PHACTR1: variants seen among roughly 807,000 people sequenced by gnomAD.
PHACTR1 encodes the protein phosphatase and actin regulator 1.
A neutral mutation model predicts 69.2 loss-of-function variants in PHACTR1; 16 were observed. That is an observed-to-expected ratio of 0.23 (90% CI 0.16 to 0.35). The LOEUF (loss-of-function observed/expected upper bound fraction) is 0.35. PHACTR1 is among the 10% of genes least tolerant of loss of function. The probability of loss-of-function intolerance (pLI) is 1.00; values close to 1 mark genes in which losing one functional copy is unlikely to be tolerated. For synonymous variants in PHACTR1, 312 were observed against 284.5 expected (o/e 1.10, Z -0.97); for missense variants, 510 against 734.7 (o/e 0.69, Z 3.54).
chr6:12,752,133 T>C (rs1193618229), intron 4 of PHACTR1, among the ~76,000 whole-genome samples: 1 of 152,230 alleles, frequency 6.6e-6, no homozygotes, highest in Admixed American at 6.5e-5. Context: ...TGCTCACTCC[T>C]GGGGCTTGTT....
rs147807103 is a variant in PHACTR1 at position 13,270,523 on chromosome 6, A to C, written c.1392-2337A>C. On this transcript the variant is annotated intron_variant, in intron 10 of 14. Coordinates refer to ENST00000332995, the MANE Select transcript of PHACTR1 (RefSeq NM_030948.6). ...TCCAAAGGGACTCATTCCAAGTAAC[A>C]AAATACACTCCTGACACCCCAGAAA... Among the ~76,000 whole-genome samples the C allele has an allele frequency of 8.8e-3, 1,345 of 152,352 alleles. 37 individuals carry two copies. The highest frequency in any genetic ancestry group is 0.051 in the Admixed American group (781 of 15,306).
At chr6:13,030,393 G>C (rs1227602322) in intron 4 of PHACTR1, among the ~76,000 whole-genome samples, 1 of 152,200 alleles carries the variant, frequency 6.6e-6, no homozygotes, top group African/African-American at 2.4e-5. Flanking sequence ...GGGAGGAAGA[G>C]AAGATGTTGA....
At chr6:13,021,491 G>A (rs1269982276) in intron 4 of PHACTR1, among the ~76,000 whole-genome samples, 7 of 152,232 alleles carry the variant, frequency 4.6e-5, no homozygotes, top group Admixed American at 1.3e-4. Context: ...ACATTCATGC[G>A]CGAGCTTTAG....
At chr6:12,747,195 T>C (rs1242579382) in intron 3 of PHACTR1, among the ~76,000 whole-genome samples, 2 of 152,126 alleles carry the variant, frequency 1.3e-5, no homozygotes, top group Non-Finnish European at 2.9e-5. Flanking sequence ...CAAATATATA[T>C]ACTTAGCAAA....
chr6:12,717,131 T>C (rs1252325218), intron 1 of PHACTR1, among the ~76,000 whole-genome samples: 1 of 152,064 alleles, frequency 6.6e-6, no homozygotes, highest in Non-Finnish European at 1.5e-5. Context: ...TGTGTATTAA[T>C]TATAACAGGG....
chr6:12,877,001 C>T (rs1283445613), intron 4 of PHACTR1, among the ~76,000 whole-genome samples: 1 of 152,208 alleles, frequency 6.6e-6, no homozygotes, highest in Non-Finnish European at 1.5e-5. Context: ...CTCCTTCCTT[C>T]ACCTTTTGTT....
chr6:12,872,150 G>T (rs1782093076), intron 4 of PHACTR1, among the ~76,000 whole-genome samples: 1 of 152,070 alleles, frequency 6.6e-6, no homozygotes, highest in Non-Finnish European at 1.5e-5. Flanking sequence ...TATCAGCTAG[G>T]TCCAAGCTAG....
At chr6:13,015,338 C>T (rs993799659) in intron 4 of PHACTR1, among the ~76,000 whole-genome samples, 1 of 152,152 alleles carries the variant, frequency 6.6e-6, no homozygotes, top group Non-Finnish European at 1.5e-5. Flanking sequence ...TGGGACGGCA[C>T]TGGAGGAAGG....
chr6:13,283,455 G>A lies in PHACTR1; in HGVS notation c.1543G>A (p.Glu515Lys). The change falls in exon 13 of 15, where the codon GAA becomes AAA. Residue 515 changes from glutamate (E) to lysine (K), a missense_variant. By Grantham distance (56) the Glu-to-Lys change is moderately conservative. Coordinates refer to ENST00000332995, the MANE Select transcript of PHACTR1 (RefSeq NM_030948.6). This position sits in a 1 kb window ranked among gnomAD's most constrained non-coding sequence, Gnocchi z 4.7. ...AAGGCCCACGGTGGAAGAGCTTCGG[G>A]AAAGAAAGATCCTCATCCGCTTCAG... ...SQRPTVEELR[E>K]RKILIRFSDY... The A allele has an allele frequency of 6.2e-7, 1 of 1,613,828 alleles. No homozygotes were observed. The highest frequency in any genetic ancestry group is 1.3e-5 in the African/African-American group (1 of 75,058).
chr6:13,160,319 G>C (rs759929938), intron 6 of PHACTR1, 35 bp downstream of exon 6: 3 of 1,568,042 alleles, frequency 1.9e-6, no homozygotes, highest in Non-Finnish European at 2.6e-6. Context: ...CCGGGTCAAA[G>C]AGTCATGCGT....
chr6:12,813,368 T>C (rs930194611), intron 4 of PHACTR1, among the ~76,000 whole-genome samples: 2 of 152,222 alleles, frequency 1.3e-5, no homozygotes, highest in Non-Finnish European at 2.9e-5. Context: ...CTTGAAATTA[T>C]CTGGAAAACT....
At chr6:12,718,995 T>C (rs914847714) in intron 3 of PHACTR1, 148 bp downstream of exon 3, 5 of 471,270 alleles carry the variant, frequency 1.1e-5, no homozygotes, top group African/African-American at 7.8e-5. Context: ...GCTGCTGGAA[T>C]TGAGGCAGGT....
chr6:13,276,124 A>T (rs1778841546), intron 11 of PHACTR1: 1 of 19,768 alleles, frequency 5.1e-5, no homozygotes, highest in African/African-American at 8.6e-5. Flanking sequence ...AATTTGCATT[A>T]AAAAAAAAAA....
chr6:12,821,389 G>C (rs1485026347), intron 4 of PHACTR1, among the ~76,000 whole-genome samples: 4 of 151,084 alleles, frequency 2.6e-5, no homozygotes, highest in Non-Finnish European at 5.9e-5. Context: ...CTTGAACCTG[G>C]GAGGCGGAGG....
chr6:12,801,404 A>G (rs1456340630), intron 4 of PHACTR1, among the ~76,000 whole-genome samples: 1 of 152,214 alleles, frequency 6.6e-6, no homozygotes, highest in Non-Finnish European at 1.5e-5. Context: ...CCAACTATGT[A>G]TGGCTTGGCC....
At chr6:12,938,845 C>G (rs754796333) in intron 4 of PHACTR1, among the ~76,000 whole-genome samples, 5 of 152,028 alleles carry the variant, frequency 3.3e-5, no homozygotes, top group Non-Finnish European at 5.9e-5. Context: ...TTCACTTGGC[C>G]TAATTATTTT....
chr6:12,742,936 C>A (rs565758624), intron 3 of PHACTR1, among the ~76,000 whole-genome samples: 53 of 152,180 alleles, frequency 3.5e-4, no homozygotes, highest in Non-Finnish European at 6.5e-4. Flanking sequence ...AAGAGTACAA[C>A]AGCAAATATA....
intron 4 of PHACTR1, among the ~76,000 whole-genome samples, chr6:12,857,975 C>T (rs561684214): frequency 6.6e-6 from 1 of 152,276 alleles, no homozygotes; most frequent in South Asian, 2.1e-4. Flanking sequence ...TTGAGTGTTT[C>T]ATCCATGCCA....
chr6:12,723,284 G>A lies in PHACTR1; in HGVS notation c.103+4437G>A, dbSNP rs141290529. Among the ~76,000 whole-genome samples, 271 of 152,122 alleles carry A rather than the reference G, an allele frequency of 1.8e-3. 1 individual carries two copies. Among genetic ancestry groups the A allele is most frequent in the African/African-American group, 6.1e-3 (254 of 41,482 alleles). On this transcript the variant is annotated intron_variant, in intron 3 of 14. Transcript: ENST00000332995. ...TCGTCAGTCACTTGCTACCCAGAGT[G>A]TGATCCCAGACTGACAGCACCAGCT...
Sources: allele counts gnomAD v4.1 joint callset (sites outside exome capture counted in the v4.1 genomes callset), GRCh38; gene constraint gnomAD v4.1.1; non-coding constraint Gnocchi (gnomAD v3.1); transcripts MANE v1.5; gene names NCBI Gene and HGNC (gene_info 2026-07-23, HGNC 2026-07-21).